The following ESCO2 variants were observed in gnomAD, a reference collection of about 807,000 sequenced individuals.
ESCO2 encodes establishment of sister chromatid cohesion N-acetyltransferase 2.
ESCO2 carries 51 observed loss-of-function variants against 61.7 expected under a neutral mutation model. The ratio of observed to expected loss-of-function variants is 0.83; its 90% CI spans 0.66 to 1.04. The LOEUF (loss-of-function observed/expected upper bound fraction) is 1.04, where lower values mean the gene tolerates loss of function less well. Ranked by LOEUF, ESCO2 falls within the 50% of genes least tolerant of loss-of-function variation. The pLI is 0.00. For missense variants in ESCO2, 692 were observed against 686.2 expected (o/e 1.01, Z -0.09); for synonymous variants, 230 against 238.2 (o/e 0.97, Z 0.32).
intron 10 of ESCO2, among the ~76,000 whole-genome samples, chr8:27,800,817 T>C (rs1805406938): frequency 2.0e-5 from 3 of 152,204 alleles, no homozygotes; most frequent in Non-Finnish European, 4.4e-5. Context: ...GAAAACATTA[T>C]GCTAATTGAA....
downstream of ESCO2, chr8:27,812,493 T>C (rs909372506): frequency 6.6e-6 from 1 of 151,904 alleles, no homozygotes; most frequent in Non-Finnish European, 1.5e-5. Context: ...ATTAAAGAGC[T>C]TCTGCACAGC....
chr8:27,803,939 C>T lies in ESCO2; in HGVS notation c.*501C>T, dbSNP rs2128959345. ...TTTTTTAATAGAGGCATGGGTCTCA[C>T]TGTGTTGCCCAGGCTGGTCTGAAAC... On this transcript the variant is annotated 3_prime_UTR_variant, in exon 11 of 11. Transcript: ENST00000305188. 2.0e-6 allele frequency: 2 copies of T among 990,870 alleles called. No homozygotes were observed. The highest frequency in any genetic ancestry group is 9.1e-5 in the South Asian group (2 of 21,882). 61.4% of individuals were successfully genotyped at this position (990,870 alleles called of 1,614,324 possible).
intron 4 of ESCO2, 25 bp from the exon 5 acceptor site, chr8:27,783,975 A>G (rs1186355590): frequency 3.1e-5 from 49 of 1,587,888 alleles, no homozygotes; most frequent in Non-Finnish European, 4.1e-5. Context: ...GGTAATACAC[A>G]TTATCATGAT....
chr8:27,787,482 T>C (rs1411971235), intron 5 of ESCO2, among the ~76,000 whole-genome samples: 1 of 152,184 alleles, frequency 6.6e-6, no homozygotes, highest in Non-Finnish European at 1.5e-5. Context: ...ATTATACTTA[T>C]TTTCTCCAGT....
In ESCO2 at chr8:27,804,685, A is replaced by T; in HGVS notation, c.*1247A>T. 1.0e-6 allele frequency: 1 copy of T among 985,436 alleles called. No homozygotes were observed. Among genetic ancestry groups the T allele is most frequent in the Non-Finnish European group, 1.2e-6 (1 of 829,922 alleles). 61.0% of individuals were successfully genotyped at this position (985,436 alleles called of 1,614,324 possible). ...TTATATGTAGAAACTATTCATCTGC[A>T]TTCATTTTATTTGCCTGTAAGTTAA... On this transcript the variant is annotated 3_prime_UTR_variant, in exon 11 of 11. Coordinates refer to ENST00000305188, the MANE Select transcript of ESCO2 (RefSeq NM_001017420.3).
At chr8:27,808,528 AAATT>A (rs1414695152), downstream of ESCO2, among the ~76,000 whole-genome samples, 1 of 151,800 alleles carries the variant, frequency 6.6e-6, no homozygotes, top group African/African-American at 2.4e-5. Flanking sequence ...AAAAAAAAAA[AAATT>A]AGCCAGGTGT....
chr8:27,803,174 A>C, intron 10 of ESCO2, 132 bp from the exon 11 acceptor site: 2 of 802,580 alleles, frequency 2.5e-6, no homozygotes, highest in Non-Finnish European at 4.1e-6. Context: ...TTCTGTCTCT[A>C]AAATATAAGG....
At chr8:27,791,103 T>C (rs1050471416) in intron 7 of ESCO2, among the ~76,000 whole-genome samples, 3 of 152,200 alleles carry the variant, frequency 2.0e-5, no homozygotes, top group Non-Finnish European at 4.4e-5. Flanking sequence ...AAAAAAATCT[T>C]AGTATAACTT....
chr8:27,804,495 A>G lies in ESCO2; in HGVS notation c.*1057A>G. On this transcript the variant is annotated 3_prime_UTR_variant, in exon 11 of 11. Coordinates refer to ENST00000305188, the MANE Select transcript of ESCO2 (RefSeq NM_001017420.3). ...AAATATACATAGGCTGGTGGATGAG[A>G]GACCATGGAACTGTGTAAATACACT... 1.0e-6 allele frequency: 1 copy of G among 985,470 alleles called. No individual in the cohort carries two copies. Among genetic ancestry groups the G allele is most frequent in the Non-Finnish European group, 1.2e-6 (1 of 829,936 alleles). The allele number at this position is 985,470 out of a possible 1,614,324, so 61.0% of individuals were successfully genotyped here. A position where few individuals can be genotyped will look rare whatever the true frequency, so the allele number is the denominator to read the frequency against.
Position 27,775,651 on chromosome 8 carries a change from G to T in ESCO2, c.53+84G>T, listed in dbSNP as rs995137387. ...TTCTCTCCTATTTTCTAAAATTTTC[G>T]TTCTTCCACTAGCCTACTCCTTGTG... is the stretch of plus-strand genomic sequence containing the variant. On this transcript the variant is annotated intron_variant, in intron 2 of 10. Coordinates refer to ENST00000305188, the MANE Select transcript of ESCO2 (RefSeq NM_001017420.3). 55 of 1,348,446 alleles carry T rather than the reference G, an allele frequency of 4.1e-5. 1 individual carries two copies. In the Middle Eastern group the frequency reaches 4.3e-3, roughly 106 times the overall value. 83.5% of individuals were successfully genotyped at this position (1,348,446 alleles called of 1,614,324 possible). A position where few individuals can be genotyped will look rare whatever the true frequency, so the allele number is the denominator to read the frequency against.
rs890884321 is a variant in ESCO2, at chr8:27,798,217, T to C, written c.1498-1324T>C. The stretch of plus-strand genomic sequence containing the variant: ...GCTCACACCTGTAATCCTAGCACTT[T>C]GGGAGGCCAAGGCAGGTGGATCACC... On this transcript the variant is annotated intron_variant, in intron 9 of 10. Transcript: ENST00000305188. Among the ~76,000 whole-genome samples, 9 of 152,266 alleles carry C rather than the reference T, an allele frequency of 5.9e-5. No homozygotes were observed. In the East Asian group the frequency reaches 1.7e-3, roughly 29 times the overall value.
chr8:27,797,985 A>G (rs1805339531), intron 9 of ESCO2, among the ~76,000 whole-genome samples: 1 of 152,204 alleles, frequency 6.6e-6, no homozygotes, highest in Admixed American at 6.5e-5. Flanking sequence ...GGTCAGAAAC[A>G]ATGTTGTGTT....
At chr8:27,789,517 C>G (rs536363831) in intron 7 of ESCO2, among the ~76,000 whole-genome samples, 7 of 152,148 alleles carry the variant, frequency 4.6e-5, no homozygotes, top group Non-Finnish European at 1.0e-4. Context: ...CAGTGACTCA[C>G]TCCTGTAATC....
At chr8:27,799,957 C>T (rs1323334831) in intron 10 of ESCO2, among the ~76,000 whole-genome samples, 1 of 150,858 alleles carries the variant, frequency 6.6e-6, no homozygotes, top group Non-Finnish European at 1.5e-5. Context: ...TGCTAAAGGA[C>T]TAGTTTAATT....
intron 2 of ESCO2, among the ~76,000 whole-genome samples, chr8:27,775,785 G>GT (rs1307188903): frequency 1.3e-5 from 2 of 152,160 alleles, no homozygotes; most frequent in African/African-American, 4.8e-5. Flanking sequence ...CTGTTTTTTA[G>GT]TTTTTGTTTT....
intron 4 of ESCO2, among the ~76,000 whole-genome samples, chr8:27,781,518 T>C (rs1804927154): frequency 6.6e-6 from 1 of 152,088 alleles, no homozygotes; most frequent in African/African-American, 2.4e-5. Context: ...CATCTTATGT[T>C]ATAATACTTT....
At chr8:27,781,181 T>TAA (rs1804920244) in intron 4 of ESCO2, among the ~76,000 whole-genome samples, 2 of 152,222 alleles carry the variant, frequency 1.3e-5, no homozygotes, top group Non-Finnish European at 2.9e-5. Flanking sequence ...CAGTTTATCA[T>TAA]TTAATTCTCC....
Position 27,787,871 on chromosome 8 carries a change from C to T in ESCO2, c.1014-14C>T. ...AAAATTGTAAATTTATATATATCAA[C>T]TTTCTGTGTCAAGATCTTTAGGTGA... On this transcript the variant is annotated splice_polypyrimidine_tract_variant and intron_variant, in intron 5 of 10. Coordinates refer to ENST00000305188, the MANE Select transcript of ESCO2 (RefSeq NM_001017420.3). 1 of 1,584,276 alleles carries T rather than the reference C, an allele frequency of 6.3e-7. No homozygotes were observed. Among genetic ancestry groups the T allele is most frequent in the South Asian group, 1.1e-5 (1 of 90,332 alleles).
downstream of ESCO2, among the ~76,000 whole-genome samples, chr8:27,814,169 G>A (rs1260443732): frequency 6.6e-6 from 1 of 152,102 alleles, no homozygotes; most frequent in Non-Finnish European, 1.5e-5. Context: ...GAAATCAACA[G>A]TAAAACATCT....
Sources: gnomAD v4.1 joint callset for allele counts (sites outside exome capture counted in the v4.1 genomes callset) on GRCh38, gnomAD v4.1.1 for gene constraint, MANE v1.5 for transcripts, NCBI Gene and HGNC (gene_info 2026-07-23, HGNC 2026-07-21) for gene names.